Variants in SAMD8 observed in about 807,000 individuals in gnomAD.
The protein encoded by SAMD8 is sterile alpha motif domain containing 8.
Under a neutral mutation model 42.0 loss-of-function variants are expected in SAMD8, and 20 were observed. The observed-to-expected ratio is 0.48, with a 90% confidence interval of 0.34 to 0.69. SAMD8 has a LOEUF of 0.69. SAMD8 is among the 30% of genes least tolerant of loss of function. SAMD8 has a pLI of 0.01. For synonymous variants in SAMD8, 162 were observed against 173.0 expected, an observed-to-expected ratio of 0.94 and a Z score of 0.50; for missense variants, 328 against 511.6, an observed-to-expected ratio of 0.64 and a Z score of 3.46.
chr10:75,165,977 C>CAAAAAAAAAAAAA (rs56839743), intron 3 of SAMD8, among the ~76,000 whole-genome samples: 1 of 62,532 alleles, frequency 1.6e-5, no homozygotes, highest in Non-Finnish European at 3.4e-5. Flanking sequence ...ACCCTGTCTC[C>CAAAAAAAAAAAAA]AAAAAAAAAA....
chr10:75,116,458 A>G (rs1387788381), intron 1 of SAMD8, among the ~76,000 whole-genome samples: 2 of 152,148 alleles, frequency 1.3e-5, no homozygotes, highest in African/African-American at 2.4e-5. Flanking sequence ...AGGTAGTAAC[A>G]TGAGTATCTG....
intron 1 of SAMD8, among the ~76,000 whole-genome samples, chr10:75,130,702 A>G (rs987977509): frequency 6.6e-6 from 1 of 152,286 alleles, no homozygotes; most frequent in Non-Finnish European, 1.5e-5. Context: ...CATTTAAATT[A>G]TAATAATTTA....
chr10:75,171,414 G>A (rs59332171), intron 4 of SAMD8, among the ~76,000 whole-genome samples: 28,064 of 151,452 alleles, frequency 0.19, 2,814 homozygotes, highest in East Asian at 0.25. Flanking sequence ...TGATCCGCCC[G>A]CCTTGGCCTC....
At chr10:75,120,940 C>G (rs982078686) in intron 1 of SAMD8, among the ~76,000 whole-genome samples, 1 of 151,928 alleles carries the variant, frequency 6.6e-6, no homozygotes, top group Non-Finnish European at 1.5e-5. Flanking sequence ...ACCACCACAC[C>G]TGGCTAATTT....
At chr10:75,124,274 C>G (rs2134433327) in intron 1 of SAMD8, among the ~76,000 whole-genome samples, 1 of 152,134 alleles carries the variant, frequency 6.6e-6, no homozygotes, top group South Asian at 2.1e-4. Flanking sequence ...AAAAGTATGT[C>G]TACTCCATCT....
intron 1 of SAMD8, among the ~76,000 whole-genome samples, chr10:75,145,258 C>T (rs1840106608): frequency 6.6e-6 from 1 of 152,148 alleles, no homozygotes; most frequent in Non-Finnish European, 1.5e-5. Context: ...GTGTCTATTT[C>T]TTCATTTAAC....
At chr10:75,129,062 CT>C (rs1303849987) in intron 1 of SAMD8, among the ~76,000 whole-genome samples, 3 of 151,728 alleles carry the variant, frequency 2.0e-5, no homozygotes, top group Non-Finnish European at 2.9e-5. Context: ...TCAACTGGAT[CT>C]TTTTTCCAGT....
chr10:75,111,596 G>T, upstream of SAMD8: 1 of 1,251,342 alleles, frequency 8.0e-7, no homozygotes, highest in East Asian at 3.1e-5. Flanking sequence ...CCGGCTCCCC[G>T]CCCCGGGCTC....
At chr10:75,162,644 C>T (rs539710281) in intron 2 of SAMD8, among the ~76,000 whole-genome samples, 29 of 114,334 alleles carry the variant, frequency 2.5e-4, no homozygotes, top group African/African-American at 7.8e-4. Flanking sequence ...AGTGAAACTC[C>T]GTCTCAAAAA....
At chr10:75,151,589 C>T (rs181097373) in intron 2 of SAMD8, among the ~76,000 whole-genome samples, 4 of 152,252 alleles carry the variant, frequency 2.6e-5, no homozygotes, top group Admixed American at 6.5e-5. Flanking sequence ...TAGGCTGAAA[C>T]GATCCTCCCA....
intron 1 of SAMD8, chr10:75,102,033 C>A: frequency 1.7e-6 from 2 of 1,185,208 alleles, no homozygotes; most frequent in Non-Finnish European, 2.3e-6. Flanking sequence ...CTGCCACTCC[C>A]AACTTGTCCA....
chr10:75,127,608 A>G lies in SAMD8; in HGVS notation c.-16+15886A>G, dbSNP rs547543669. ...CCTGAAAATGCACTGAACACGGTTC[A>G]GAACTTGAGTTTGTGAGTTAGGGTG... On this transcript the variant is annotated intron_variant, in intron 1 of 5. Transcript: ENST00000542569. Among the ~76,000 whole-genome samples, 151 of 152,350 alleles carry G rather than the reference A, an allele frequency of 9.9e-4. 4 individuals carry two copies. Among genetic ancestry groups the G allele is most frequent in the African/African-American group, 3.2e-3 (134 of 41,590 alleles).
intron 2 of SAMD8, 66 bp from the exon 3 acceptor site, chr10:75,164,579 A>C: frequency 6.4e-7 from 1 of 1,561,490 alleles, no homozygotes; most frequent in Non-Finnish European, 8.8e-7. Flanking sequence ...AGAGCACCTT[A>C]CTGAAAAGGG....
chr10:75,173,395 C>G (rs1840914253), intron 4 of SAMD8, among the ~76,000 whole-genome samples: 3 of 152,180 alleles, frequency 2.0e-5, no homozygotes, highest in African/African-American at 7.2e-5. Context: ...ACACTTAATG[C>G]ATATTTCTAC....
At chr10:75,166,598 T>TATCA (rs143323315) in intron 3 of SAMD8, among the ~76,000 whole-genome samples, 1,898 of 152,238 alleles carry the variant, frequency 0.012, 40 homozygotes, top group African/African-American at 0.043. Context: ...TTACTATTCT[T>TATCA]ATCATACTTT....
chr10:75,152,448 G>C (rs1269946991), intron 2 of SAMD8, among the ~76,000 whole-genome samples: 2 of 149,394 alleles, frequency 1.3e-5, no homozygotes, highest in African/African-American at 4.9e-5. Context: ...CGTGAACCCG[G>C]GAGGCGGAGC....
At chr10:75,131,247 C>G (rs1849267706) in intron 1 of SAMD8, among the ~76,000 whole-genome samples, 1 of 152,210 alleles carries the variant, frequency 6.6e-6, no homozygotes, top group Non-Finnish European at 1.5e-5. Flanking sequence ...ATGTGACCAT[C>G]CATTCTAATT....
chr10:75,106,101 C>CTTTTTTTTTTTTT (rs767630456), intron 1 of SAMD8, among the ~76,000 whole-genome samples: 4 of 123,022 alleles, frequency 3.3e-5, no homozygotes, highest in Admixed American at 7.9e-5. Context: ...TCTTTCTTTT[C>CTTTTTTTTTTTTT]TTTTTTTTTT....
chr10:75,105,780 C>A, intron 1 of SAMD8: 1 of 1,551,288 alleles, frequency 6.4e-7, no homozygotes, highest in Non-Finnish European at 8.7e-7. Context: ...CCGCCTGGCG[C>A]AGGGACAGCC....
Sources: gnomAD v4.1 joint callset for allele counts (sites outside exome capture counted in the v4.1 genomes callset) on GRCh38, gnomAD v4.1.1 for gene constraint, MANE v1.5 for transcripts, NCBI Gene and HGNC (gene_info 2026-07-23, HGNC 2026-07-21) for gene names.